Variants in ELFN1 observed in about 807,000 individuals in gnomAD.
ELFN1 encodes the protein extracellular leucine rich repeat and fibronectin type III domain containing 1, also known as protein ELFN1.
A neutral mutation model predicts 7.6 loss-of-function variants in ELFN1; 6 were observed. That is an observed-to-expected ratio of 0.79 (90% CI 0.43 to 1.56). ELFN1 has a LOEUF of 1.56. ELFN1 is among the 40% of genes most tolerant of loss of function. The pLI, the probability that ELFN1 is intolerant of heterozygous loss-of-function variation, is 0.01. For synonymous variants in ELFN1, 657 were observed against 588.1 expected (o/e 1.12, Z -1.70); for missense variants, 1,169 against 1,232.2 (o/e 0.95, Z 0.77).
At chr7:1,722,007 G>A (rs931878737) in intron 3 of ELFN1, among the ~76,000 whole-genome samples, 4 of 152,156 alleles carry the variant, frequency 2.6e-5, no homozygotes, top group South Asian at 4.1e-4. Context: ...CAACAGGTGC[G>A]AAGTGGACGG....
At chr7:1,730,454 A>G (rs1467140939) in intron 3 of ELFN1, among the ~76,000 whole-genome samples, 4 of 152,234 alleles carry the variant, frequency 2.6e-5, no homozygotes, top group Non-Finnish European at 4.4e-5. Context: ...AGGAAATCCA[A>G]TTCCACAGAA....
At chr7:1,668,477 G>A (rs1778704945), upstream of ELFN1, among the ~76,000 whole-genome samples, 1 of 152,256 alleles carries the variant, frequency 6.6e-6, no homozygotes, top group Non-Finnish European at 1.5e-5. Context: ...TGTTTGGCAG[G>A]CGGAGTGGAT....
At chr7:1,693,833 C>T (rs1442307307) in intron 2 of ELFN1, 1 of 464,042 alleles carries the variant, frequency 2.2e-6, no homozygotes, top group Non-Finnish European at 4.5e-6. Flanking sequence ...ACGGCTGGGC[C>T]AATCGGGGTT....
chr7:1,747,057 G>A lies in ELFN1; in HGVS notation c.2461G>A (p.Gly821Ser), dbSNP rs1413325396. The change falls in exon 4 of 4, where the codon GGC becomes AGC. Residue 821 changes from glycine to serine, a missense_variant. Physicochemically the swap from Gly to Ser is moderately conservative, Grantham distance 56. This residue lies in a region of ELFN1 where 914 missense variants were observed against 872.6 expected (regional missense o/e 1.05). Transcript: ENST00000424383. ...DLHDILDYWKGVSAQHKS is the reference protein window; with the variant it reads ...DLHDILDYWKSVSAQHKS ...GCACGACATCCTGGACTACTGGAAGGGCGTGTCGGCCCAGCACAAGTCCTG... is the reference window on the plus strand; with the variant it reads ...GCACGACATCCTGGACTACTGGAAGAGCGTGTCGGCCCAGCACAAGTCCTG... 6.6e-7 allele frequency: 1 copy of A among 1,523,274 alleles called. No homozygotes were observed. The highest frequency in any genetic ancestry group is 8.9e-7 in the Non-Finnish European group (1 of 1,129,576). The allele number at this position is 1,523,274 out of a possible 1,614,324, so 94.4% of individuals were successfully genotyped here. A position where few individuals can be genotyped will look rare whatever the true frequency, so the allele number is the denominator to read the frequency against.
intron 2 of ELFN1, chr7:1,693,657 G>A (rs1779228935): frequency 2.1e-6 from 1 of 471,116 alleles, no homozygotes; most frequent in Non-Finnish European, 4.4e-6. Context: ...ATGCAGGTGA[G>A]CACAGACACA....
intron 1 of ELFN1, among the ~76,000 whole-genome samples, chr7:1,683,634 G>A (rs928460990): frequency 1.2e-4 from 19 of 152,202 alleles, no homozygotes; most frequent in African/African-American, 4.3e-4. Flanking sequence ...TTGAGAGGGA[G>A]TGGAGTATTG....
In ELFN1 at chr7:1,735,787, A is replaced by G. The variant is rs939455583; in HGVS notation, c.-293-8517A>G. Among the ~76,000 whole-genome samples the G allele has an allele frequency of 6.6e-6, 1 of 152,054 alleles. No homozygotes were observed. The highest frequency in any genetic ancestry group is 1.5e-5 in the Non-Finnish European group (1 of 67,992). ...TCCCTCCCCTACTGAGGAGGAAATG[A>G]GTGTCTACTGGGCACCCCCTTGTAC... is the stretch of plus-strand genomic sequence containing the variant. On this transcript the variant is annotated intron_variant, in intron 3 of 3. Transcript: ENST00000424383. The surrounding 1 kb of genome is among the most constrained non-coding windows in gnomAD (Gnocchi z 5.9).
intron 3 of ELFN1, among the ~76,000 whole-genome samples, chr7:1,710,510 C>T (rs113754922): frequency 4.6e-5 from 7 of 152,352 alleles, no homozygotes; most frequent in Non-Finnish European, 1.0e-4. Flanking sequence ...AGGGGTTCCA[C>T]GCACAGCATT....
At chr7:1,743,947 G>A (rs566428226) in intron 3 of ELFN1, among the ~76,000 whole-genome samples, 2 of 152,308 alleles carry the variant, frequency 1.3e-5, no homozygotes, top group East Asian at 1.9e-4. Context: ...GGGTTGCGCC[G>A]AGAGTGAAAT....
rs562236212 is a variant in ELFN1, at chr7:1,711,776, C to G, written c.-294+2524C>G. On this transcript the variant is annotated intron_variant, in intron 3 of 3. Transcript: ENST00000424383. ...CCTCTGTGGATGACAGTGTCCCCAC[C>G]TGAAATGTGAGGGCGTCCCCACAGA... 2.0e-5 allele frequency among the ~76,000 whole-genome samples: 3 copies of G among 152,294 alleles called. No homozygotes were observed. The East Asian group carries it at 5.8e-4, about 29-fold the overall frequency.
Position 1,744,840 on chromosome 7 carries a change from C to A in ELFN1, c.244C>A (p.Arg82Ser). The A allele has an allele frequency of 6.4e-7, 1 of 1,574,320 alleles. No individual in the cohort carries two copies. Among genetic ancestry groups the A allele is most frequent in the Non-Finnish European group, 8.6e-7 (1 of 1,159,076 alleles). ...CAGCGTGCAGTACGCCTCGCTCAGC[C>A]GCTTTGGCAACCTCACGTACCTCAA... is the stretch of plus-strand genomic sequence containing the variant. ...IRSVQYASLS[R>S]FGNLTYLNLT... The change falls in exon 4 of 4, where the codon CGC becomes AGC. Residue 82 changes from arginine to serine, a missense_variant. Physicochemically the swap from Arg to Ser is moderately radical, Grantham distance 110. This residue lies in a region of ELFN1 where 255 missense variants were observed against 359.6 expected (regional missense o/e 0.71). Transcript: ENST00000424383.
chr7:1,704,879 G>A (rs144357906), intron 2 of ELFN1, among the ~76,000 whole-genome samples: 15 of 152,250 alleles, frequency 9.9e-5, no homozygotes, highest in East Asian at 1.9e-4. Context: ...AGGGCTCGAG[G>A]TCAGCTTAGA....
chr7:1,668,514 ATCT>A (rs1409534560), upstream of ELFN1, among the ~76,000 whole-genome samples: 1 of 152,194 alleles, frequency 6.6e-6, no homozygotes, highest in Non-Finnish European at 1.5e-5. Flanking sequence ...CCCGGTGGTC[ATCT>A]TCTGCACAAG....
chr7:1,673,218 G>A lies in ELFN1; in HGVS notation c.-549+2864G>A, dbSNP rs1027840528. 2.6e-5 allele frequency among the ~76,000 whole-genome samples: 4 copies of A among 152,160 alleles called. No individual in the cohort carries two copies. Among genetic ancestry groups the A allele is most frequent in the Admixed American group, 1.3e-4 (2 of 15,282 alleles). ...TGGAGCCACTGCAGTGGACGATGGC[G>A]CCATCCATTCCAGCACCAGCTGTAC... On this transcript the variant is annotated intron_variant, in intron 1 of 3. Coordinates refer to ENST00000424383, the MANE Select transcript of ELFN1 (RefSeq NM_001128636.4). The surrounding 1 kb of genome is among the most constrained non-coding windows in gnomAD (Gnocchi z 4.7).
At position 1,673,092 on chromosome 7, in the gene ELFN1, C is replaced by CG. The variant is rs1778799914; in HGVS notation, c.-549+2738_-549+2739insG. Among the ~76,000 whole-genome samples the CG allele has an allele frequency of 3.2e-5, 3 of 94,184 alleles. No individual in the cohort carries two copies. The highest frequency in any genetic ancestry group is 9.0e-5 in the African/African-American group (1 of 11,106). 61.8% of individuals were successfully genotyped at this position (94,184 alleles called of 152,430 possible). On this transcript the variant is annotated intron_variant, in intron 1 of 3. Coordinates refer to ENST00000424383, the MANE Select transcript of ELFN1 (RefSeq NM_001128636.4). This position sits in a 1 kb window ranked among gnomAD's most constrained non-coding sequence, Gnocchi z 4.7. ...ATTTGTCATCTCTCCAGCGCCCCCC[C>CG]CCGCTCTTTCCTTTTTGTTTTTGTT...
At chr7:1,703,829 CTG>C (rs1779476841) in intron 2 of ELFN1, among the ~76,000 whole-genome samples, 1 of 152,154 alleles carries the variant, frequency 6.6e-6, no homozygotes, top group African/African-American at 2.4e-5. Flanking sequence ...GGGGAGGTCT[CTG>C]TGTATGTTTG....
chr7:1,693,847 G>T (rs747840602), intron 2 of ELFN1: 1 of 458,768 alleles, frequency 2.2e-6, no homozygotes, highest in Non-Finnish European at 4.6e-6. Flanking sequence ...CGGGGTTCCT[G>T]GGCAGAGGCT....
chr7:1,744,042 A>G (rs1780703642), intron 3 of ELFN1, among the ~76,000 whole-genome samples: 1 of 152,146 alleles, frequency 6.6e-6, no homozygotes, highest in South Asian at 2.1e-4. Flanking sequence ...GCAGATGAGG[A>G]AACTGAGGCC....
At chr7:1,682,398 C>T (rs570977257) in intron 1 of ELFN1, among the ~76,000 whole-genome samples, 2 of 152,090 alleles carry the variant, frequency 1.3e-5, no homozygotes, top group Admixed American at 1.3e-4. Context: ...TCTGGACTCT[C>T]AATTCTATTC....
Sources: gnomAD v4.1 joint callset for allele counts (sites outside exome capture counted in the v4.1 genomes callset) on GRCh38, gnomAD v4.1.1 for gene constraint, gnomAD v4.1.1 regional missense constraint, Gnocchi (gnomAD v3.1) non-coding constraint, MANE v1.5 for transcripts, NCBI Gene and HGNC (gene_info 2026-07-23, HGNC 2026-07-21) for gene names.